The following RHOBTB2 variants were observed in gnomAD, a reference collection of about 807,000 sequenced individuals.
RHOBTB2 encodes Rho related BTB domain containing 2, also known as rho-related BTB domain-containing protein 2.
Under a neutral mutation model 66.5 loss-of-function variants are expected in RHOBTB2, and 39 were observed. That is an observed-to-expected ratio of 0.59 (90% CI 0.45 to 0.77). The LOEUF (loss-of-function observed/expected upper bound fraction) is 0.77, where lower values mean the gene tolerates loss of function less well. RHOBTB2 is among the 30% of genes least tolerant of loss of function. The pLI is 0.00. For synonymous variants in RHOBTB2, 390 were observed against 395.0 expected (o/e 0.99, Z 0.15); for missense variants, 755 against 999.1 (o/e 0.76, Z 3.29).
chr8:23,006,404 A>G lies in RHOBTB2; in HGVS notation c.482+259A>G, dbSNP rs749830309. The G allele has an allele frequency of 1.8e-6, 1 of 550,414 alleles. No individual in the cohort carries two copies. The highest frequency in any genetic ancestry group is 3.2e-6 in the Non-Finnish European group (1 of 310,798). 34.1% of individuals were successfully genotyped at this position (550,414 alleles called of 1,614,324 possible). ...GATATTTGCATGAAAAAGTCCTATA[A>G]TTTTGCTGAGGGATAAACTAAATAT... is the stretch of plus-strand genomic sequence containing the variant. On this transcript the variant is annotated intron_variant, in intron 4 of 9. Transcript: ENST00000251822. This position sits in a 1 kb window ranked among gnomAD's most constrained non-coding sequence, Gnocchi z 6.1.
At chr8:22,980,872 C>T in the RHOBTB2 span, among the ~76,000 whole-genome samples, 1 of 152,156 alleles carries the variant, frequency 6.6e-6, no homozygotes, top group Non-Finnish European at 1.5e-5. Context: ...TTAAGTGCAC[C>T]TCACCCCATA....
chr8:22,979,916 C>T, the RHOBTB2 span, among the ~76,000 whole-genome samples: 3 of 151,554 alleles, frequency 2.0e-5, no homozygotes, highest in African/African-American at 7.3e-5. Context: ...TGCCATCACG[C>T]TCAGCTAATT....
At chr8:22,995,604 G>A (rs1810529371), upstream of RHOBTB2, among the ~76,000 whole-genome samples, 2 of 152,242 alleles carry the variant, frequency 1.3e-5, no homozygotes, top group South Asian at 4.1e-4. Flanking sequence ...GTATCCTTGT[G>A]GGGACCTGAT....
chr8:22,988,887 G>A (rs994741657), intron 1 of RHOBTB2, among the ~76,000 whole-genome samples: 2 of 152,168 alleles, frequency 1.3e-5, no homozygotes, highest in Non-Finnish European at 2.9e-5. Flanking sequence ...AGAAGGGCAC[G>A]GGCTCTGCAG....
intron 1 of RHOBTB2, among the ~76,000 whole-genome samples, chr8:22,989,515 C>T (rs1054374798): frequency 6.6e-6 from 1 of 152,186 alleles, no homozygotes; most frequent in Non-Finnish European, 1.5e-5. Context: ...TGTGGCAGGG[C>T]TCCAGGTCTA....
chr8:23,007,313 C>A lies in RHOBTB2; in HGVS notation c.1068C>A (p.Gly356=). The A allele has an allele frequency of 6.2e-7, 1 of 1,613,722 alleles. No homozygotes were observed. The highest frequency in any genetic ancestry group is 8.5e-7 in the Non-Finnish European group (1 of 1,179,884). Residue 356 remains glycine, a synonymous_variant, in exon 5 of 10, where the codon GGC becomes GGA. Transcript: ENST00000251822. ...GCGAGAGCGTGGATGAGGCTGGGGG[C>A]TCCGGTCCTGCTGGCCTCCGTGCTT... ...DVCESVDEAG[G]SGPAGLRAST... is the part of the protein sequence containing the mutation.
chr8:22,994,648 C>G, upstream of RHOBTB2: 2 of 1,547,904 alleles, frequency 1.3e-6, no homozygotes, highest in Non-Finnish European at 1.7e-6. Context: ...ATGTGAGTAG[C>G]TACTGTGTAC....
upstream of RHOBTB2, among the ~76,000 whole-genome samples, chr8:22,997,550 C>G (rs1331416743): frequency 6.6e-6 from 1 of 152,228 alleles, no homozygotes; most frequent in Non-Finnish European, 1.5e-5. Flanking sequence ...TTCACACAGT[C>G]CAGCCTGGTT....
chr8:22,998,956 A>G (rs532680439), upstream of RHOBTB2: 1 of 152,396 alleles, frequency 6.6e-6, no homozygotes, highest in South Asian at 2.1e-4. Flanking sequence ...CCAGGAGGCA[A>G]CAGGAGGGGG....
In RHOBTB2 at chr8:23,007,711, G is replaced by C; in HGVS notation, c.1466G>C (p.Arg489Pro). The C allele has an allele frequency of 6.2e-7, 1 of 1,614,126 alleles. No homozygotes were observed. Among genetic ancestry groups the C allele is most frequent in the Non-Finnish European group, 8.5e-7 (1 of 1,179,978 alleles). The change falls in exon 5 of 10, where the codon CGG becomes CCG. Residue 489 changes from arginine (R) to proline (P), a missense_variant. Coordinates refer to ENST00000251822, the MANE Select transcript of RHOBTB2 (RefSeq NM_015178.3). ...GCCTTCCACGTCCGCCGGACCAACC[G>C]GGTTAAGGAGTGCTTGGCAAAAGGC... ...TKAFHVRRTN[R>P]VKECLAKGTF...
At chr8:22,953,515 G>A in the RHOBTB2 span, among the ~76,000 whole-genome samples, 5 of 152,308 alleles carry the variant, frequency 3.3e-5, no homozygotes, top group Admixed American at 6.5e-5. Context: ...TTCTGCAAGC[G>A]ATGAGTGACT....
the RHOBTB2 span, among the ~76,000 whole-genome samples, chr8:22,961,638 G>C: frequency 1.3e-5 from 2 of 152,176 alleles, no homozygotes; most frequent in African/African-American, 4.8e-5. Context: ...AGAGCTAAAA[G>C]GTGGGTGGGG....
chr8:22,988,441 C>T (rs1234731559), intron 1 of RHOBTB2, among the ~76,000 whole-genome samples: 3 of 152,084 alleles, frequency 2.0e-5, no homozygotes, highest in East Asian at 1.9e-4. Context: ...GGATTACAGG[C>T]GTGAGCCACC....
chr8:22,957,599 G>C, the RHOBTB2 span, among the ~76,000 whole-genome samples: 1 of 152,164 alleles, frequency 6.6e-6, no homozygotes, highest in African/African-American at 2.4e-5. Context: ...GCTTGTTCTT[G>C]TGGCCCAATA....
the RHOBTB2 span, among the ~76,000 whole-genome samples, chr8:22,954,045 A>G: frequency 6.6e-6 from 1 of 152,226 alleles, no homozygotes; most frequent in Non-Finnish European, 1.5e-5. Context: ...TTCAAGCTAT[A>G]TGCCATCGAT....
intron 1 of RHOBTB2, among the ~76,000 whole-genome samples, chr8:23,003,828 G>T (rs1468274318): frequency 6.6e-6 from 1 of 152,220 alleles, no homozygotes; most frequent in Non-Finnish European, 1.5e-5. Flanking sequence ...CCATAAAGGG[G>T]ACTGGGGTCT....
chr8:22,953,068 C>T, the RHOBTB2 span, among the ~76,000 whole-genome samples: 43 of 152,238 alleles, frequency 2.8e-4, 1 homozygote, highest in Middle Eastern at 3.4e-3. Context: ...TGATTTTTCC[C>T]CTGGGGTGGG....
chr8:22,953,128 C>G, the RHOBTB2 span, among the ~76,000 whole-genome samples: 721 of 152,198 alleles, frequency 4.7e-3, 3 homozygotes, highest in Non-Finnish European at 7.5e-3. Flanking sequence ...ACCACATGTG[C>G]GGCGTGTTTA....
rs1810992036 is a variant in RHOBTB2, at chr8:23,007,242, C to G, written c.997C>G (p.His333Asp). The change falls in exon 5 of 10, where the codon CAC becomes GAC. Residue 333 changes from histidine (H) to aspartate (D), a missense_variant. By Grantham distance (81) the His-to-Asp change is moderately conservative. Around this residue, in one of 7 missense-constraint regions of RHOBTB2, gnomAD observed 247 missense variants for 238.9 expected, o/e 1.03. Transcript: ENST00000251822. ...SDQHHHHHHH[H>D]HGRDFLLRAA... The stretch of plus-strand genomic sequence containing the variant: ...TCAACACCACCACCATCACCACCAC[C>G]ACCATGGGCGAGACTTCCTGCTCCG... 2.5e-6 allele frequency: 4 copies of G among 1,611,164 alleles called. No homozygotes were observed. Among genetic ancestry groups the G allele is most frequent in the Non-Finnish European group, 3.4e-6 (4 of 1,179,852 alleles).
Sources: gnomAD v4.1 joint callset for allele counts (sites outside exome capture counted in the v4.1 genomes callset) on GRCh38, gnomAD v4.1.1 for gene constraint, gnomAD v4.1.1 regional missense constraint, Gnocchi (gnomAD v3.1) non-coding constraint, MANE v1.5 for transcripts, NCBI Gene and HGNC (gene_info 2026-07-23, HGNC 2026-07-21) for gene names.